The following MCF2L2 variants were observed in gnomAD, a reference collection of about 807,000 sequenced individuals.
MCF2L2 encodes MCF.2 cell line derived transforming sequence-like 2, also known as probable guanine nucleotide exchange factor MCF2L2.
A neutral mutation model predicts 150.2 loss-of-function variants in MCF2L2; 102 were observed. The observed-to-expected ratio is 0.68, with a 90% CI of 0.58 to 0.80. MCF2L2 has a LOEUF of 0.80. MCF2L2 is among the 30% of genes least tolerant of loss of function. The pLI, the probability that MCF2L2 is intolerant of heterozygous loss-of-function variation, is 0.00. For missense variants in MCF2L2, 1,256 were observed against 1,372.8 expected, an observed-to-expected ratio of 0.91 and a Z score of 1.34; for synonymous variants, 465 against 491.3, an observed-to-expected ratio of 0.95 and a Z score of 0.71.
chr3:183,272,882 T>C, intron 15 of MCF2L2: 1 of 1,309,494 alleles, frequency 7.6e-7, no homozygotes, highest in Non-Finnish European at 9.8e-7. Flanking sequence ...AGCAGTGCTT[T>C]TGTGAAACAA....
chr3:183,374,876 T>C (rs906114402), intron 3 of MCF2L2: 1 of 152,036 alleles, frequency 6.6e-6, no homozygotes, highest in Non-Finnish European at 1.5e-5. Flanking sequence ...CAAGGACATT[T>C]TGTTAGGGAG....
chr3:183,272,761 A>G (rs1726891142), intron 15 of MCF2L2: 1 of 1,085,838 alleles, frequency 9.2e-7, no homozygotes, highest in Admixed American at 5.3e-5. Context: ...TTGATTAATG[A>G]TGTATTGCCT....
In MCF2L2 at chr3:183,361,075, G is replaced by GACA. The variant is rs1712151668; in HGVS notation, c.275+18221_275+18222insTGT. ...AAAGGAAAGACCAGATAAGACAGAA[G>GACA]AGAAGACAAGACAAGACAAGACAAG... On this transcript the variant is annotated intron_variant, in intron 3 of 29. Coordinates refer to ENST00000328913, the MANE Select transcript of MCF2L2 (RefSeq NM_015078.4). 2.2e-5 allele frequency among the ~76,000 whole-genome samples: 3 copies of GACA among 139,102 alleles called. 1 individual carries two copies. The highest frequency in any genetic ancestry group is 8.3e-5 in the African/African-American group (3 of 36,018). The allele number at this position is 139,102 out of a possible 152,430, so 91.3% of individuals were successfully genotyped here. A position where few individuals can be genotyped will look rare whatever the true frequency, so the allele number is the denominator to read the frequency against.
At chr3:183,387,168 G>A (rs895693545) in intron 2 of MCF2L2, among the ~76,000 whole-genome samples, 1 of 151,896 alleles carries the variant, frequency 6.6e-6, no homozygotes, top group Non-Finnish European at 1.5e-5. Flanking sequence ...AGGAGGCTGA[G>A]GTAGGAGGAT....
At chr3:183,306,833 A>C (rs1165205117) in intron 10 of MCF2L2, among the ~76,000 whole-genome samples, 1 of 152,084 alleles carries the variant, frequency 6.6e-6, no homozygotes, top group Non-Finnish European at 1.5e-5. Flanking sequence ...TAGACACAGC[A>C]CCCTTATGGG....
intron 20 of MCF2L2, among the ~76,000 whole-genome samples, chr3:183,221,212 G>A (rs1723137650): frequency 6.6e-6 from 1 of 152,200 alleles, no homozygotes; most frequent in Admixed American, 6.5e-5. Context: ...TCTGCCTTGG[G>A]TAGCTCCCAC....
At chr3:183,396,070 G>A (rs1355287009) in intron 1 of MCF2L2, among the ~76,000 whole-genome samples, 1 of 151,092 alleles carries the variant, frequency 6.6e-6, no homozygotes, top group Non-Finnish European at 1.5e-5. Flanking sequence ...ATGAACATAT[G>A]TATTAAAGAA....
intron 2 of MCF2L2, among the ~76,000 whole-genome samples, chr3:183,383,647 A>G (rs1198131429): frequency 6.6e-6 from 1 of 152,198 alleles, no homozygotes; most frequent in Non-Finnish European, 1.5e-5. Context: ...TTGAGGGGCA[A>G]GCACCTCTTT....
intron 14 of MCF2L2, chr3:183,287,766 T>TTCTC (rs1303598477): frequency 6.6e-6 from 1 of 152,128 alleles, no homozygotes; most frequent in Non-Finnish European, 1.5e-5. Context: ...GGACGCAGCT[T>TTCTC]TCTCTCTCTC....
rs190207378 is a variant in MCF2L2, at chr3:183,309,888, A to C, written c.994-53T>G. 247 of 1,603,262 alleles carry C rather than the reference A, an allele frequency of 1.5e-4. No homozygotes were observed. The Middle Eastern group carries it at 3.0e-3, about 19-fold the overall frequency. On this transcript the variant is annotated intron_variant, in intron 9 of 29. Transcript: ENST00000328913. The stretch of plus-strand genomic sequence containing the variant: ...AGTAAACCAACACTCACTCACCTGA[A>C]GGTATAGGTTTGTTATGCTTCAAGA...
At position 183,212,604 on chromosome 3, in the gene MCF2L2, TG is replaced by T. The variant is rs1423537516; in HGVS notation, c.2496+3364del. On this transcript the variant is annotated intron_variant, in intron 22 of 29. Coordinates refer to ENST00000328913, the MANE Select transcript of MCF2L2 (RefSeq NM_015078.4). ...GCTGAGAGAGTGAATCTAGGGAAGC[TG>T]GCCTCAGCAAGAGCTTCTTTTGGGT... 5.9e-5 allele frequency among the ~76,000 whole-genome samples: 9 copies of T among 152,156 alleles called. No homozygotes were observed. In the East Asian group the frequency reaches 1.7e-3, roughly 29 times the overall value.
chr3:183,288,440 T>C (rs943272753), intron 14 of MCF2L2, among the ~76,000 whole-genome samples: 2 of 151,904 alleles, frequency 1.3e-5, no homozygotes, highest in Non-Finnish European at 1.5e-5. Flanking sequence ...CACTTGTGTG[T>C]GTGCATGTGT....
intron 5 of MCF2L2, among the ~76,000 whole-genome samples, chr3:183,337,412 C>T (rs1286586483): frequency 6.6e-6 from 1 of 152,034 alleles, no homozygotes; most frequent in East Asian, 1.9e-4. Flanking sequence ...CAAAAATTAG[C>T]TGGGCGTGGT....
At chr3:183,361,102 C>CAAGACAAGAAAAGAA (rs1325681167) in intron 3 of MCF2L2, among the ~76,000 whole-genome samples, 1,026 of 97,454 alleles carry the variant, frequency 0.011, 100 homozygotes, top group African/African-American at 0.043. Flanking sequence ...CAAGACAAGA[C>CAAGACAAGAAAAGAA]AAGAAAAGAA....
chr3:183,367,496 C>G (rs568708543), intron 3 of MCF2L2, among the ~76,000 whole-genome samples: 19 of 152,288 alleles, frequency 1.2e-4, no homozygotes, highest in Non-Finnish European at 2.8e-4. Context: ...TCCCAAAGTG[C>G]AGGGATTACA....
intron 1 of MCF2L2, among the ~76,000 whole-genome samples, chr3:183,392,144 G>A (rs1019549320): frequency 6.6e-6 from 1 of 152,180 alleles, no homozygotes; most frequent in African/African-American, 2.4e-5. Flanking sequence ...TTTGAGGTGT[G>A]CTTTAAATTA....
Position 183,296,863 on chromosome 3 carries a change from A to C in MCF2L2, c.1497+113T>G. The C allele has an allele frequency of 5.8e-6, 7 of 1,200,490 alleles. No individual in the cohort carries two copies. The South Asian group carries it at 1.1e-4, about 19-fold the overall frequency. 74.4% of individuals were successfully genotyped at this position (1,200,490 alleles called of 1,614,324 possible). A position where few individuals can be genotyped will look rare whatever the true frequency, so the allele number is the denominator to read the frequency against. Reference sequence around the variant, plus strand: ...GGAGGGCTTCGGAACCAGTGAGCCCACTCAATTCAGCCTGCTCAGTACCCT... The same window carrying C: ...GGAGGGCTTCGGAACCAGTGAGCCCCCTCAATTCAGCCTGCTCAGTACCCT... On this transcript the variant is annotated intron_variant, in intron 12 of 29. Transcript: ENST00000328913.
intron 1 of MCF2L2, among the ~76,000 whole-genome samples, chr3:183,411,011 C>A (rs1715291806): frequency 6.6e-6 from 1 of 152,184 alleles, no homozygotes; most frequent in Admixed American, 6.5e-5. Context: ...CTCTGAGGTT[C>A]TGTGAGATAC....
chr3:183,189,362 G>A (rs1721800776), intron 27 of MCF2L2, among the ~76,000 whole-genome samples: 1 of 152,192 alleles, frequency 6.6e-6, no homozygotes, highest in African/African-American at 2.4e-5. Context: ...TCTCCAGTCA[G>A]GTCATGTTGT....
Sources: gnomAD v4.1 joint callset for allele counts (sites outside exome capture counted in the v4.1 genomes callset) on GRCh38, gnomAD v4.1.1 for gene constraint, MANE v1.5 for transcripts, NCBI Gene and HGNC (gene_info 2026-07-23, HGNC 2026-07-21) for gene names.